The following TRIM2 variants were observed in gnomAD, a reference collection of about 807,000 sequenced individuals.
TRIM2 encodes tripartite motif-containing protein 2.
In TRIM2, 20 loss-of-function variants were observed where a neutral mutation model predicts 75.2. The observed-to-expected ratio is 0.27, with a 90% CI of 0.19 to 0.39. The LOEUF (loss-of-function observed/expected upper bound fraction) is 0.39, where lower values mean the gene tolerates loss of function less well. TRIM2 is among the 10% of genes least tolerant of loss of function. The pLI, the probability that TRIM2 is intolerant of heterozygous loss-of-function variation, is 1.00. For missense variants in TRIM2, 660 were observed against 990.8 expected, an observed-to-expected ratio of 0.67 and a Z score of 4.48; for synonymous variants, 373 against 388.3, an observed-to-expected ratio of 0.96 and a Z score of 0.46.
At chr4:153,309,186 A>T (rs1765689166) in intron 6 of TRIM2, among the ~76,000 whole-genome samples, 1 of 152,224 alleles carries the variant, frequency 6.6e-6, no homozygotes, top group Admixed American at 6.5e-5. Context: ...AACATGATTC[A>T]TGTGAGCCCA....
At chr4:153,219,918 T>G (rs1172437152) in intron 1 of TRIM2, among the ~76,000 whole-genome samples, 1 of 151,270 alleles carries the variant, frequency 6.6e-6, no homozygotes, top group Non-Finnish European at 1.5e-5. Context: ...ATGAAGGAAA[T>G]AGAGCACAAG....
intron 1 of TRIM2, among the ~76,000 whole-genome samples, chr4:153,166,662 C>T (rs181563819): frequency 6.6e-6 from 1 of 152,268 alleles, no homozygotes; most frequent in Admixed American, 6.5e-5. Context: ...GATCCTCCTG[C>T]ATCTGCCTCC....
At chr4:153,330,676 C>T (rs1026169057) in intron 11 of TRIM2, among the ~76,000 whole-genome samples, 2 of 152,112 alleles carry the variant, frequency 1.3e-5, no homozygotes, top group Non-Finnish European at 2.9e-5. Flanking sequence ...ATTTAATACC[C>T]ATTCATGACA....
chr4:153,283,348 G>A (rs1579318882), intron 3 of TRIM2, among the ~76,000 whole-genome samples: 1 of 152,074 alleles, frequency 6.6e-6, no homozygotes, highest in Non-Finnish European at 1.5e-5. Flanking sequence ...CCATCAATTA[G>A]CATGTTTTCA....
At chr4:153,317,013 T>G (rs1767787780) in intron 8 of TRIM2, among the ~76,000 whole-genome samples, 1 of 149,936 alleles carries the variant, frequency 6.7e-6, no homozygotes, top group Non-Finnish European at 1.5e-5. Context: ...CCTGAGTAGC[T>G]GGGACTACAG....
intron 1 of TRIM2, among the ~76,000 whole-genome samples, chr4:153,162,764 A>AGTAATAGT (rs1729866008): frequency 6.6e-6 from 1 of 152,192 alleles, no homozygotes; most frequent in Non-Finnish European, 1.5e-5. Flanking sequence ...GAGTTATACC[A>AGTAATAGT]CACCTCAGTA....
chr4:153,321,110 T>C (rs967887523), intron 8 of TRIM2, among the ~76,000 whole-genome samples: 3 of 152,206 alleles, frequency 2.0e-5, no homozygotes, highest in African/African-American at 7.2e-5. Context: ...AAGTTTTCAC[T>C]TCACATGCAT....
chr4:153,163,646 C>T (rs1729984534), intron 1 of TRIM2, among the ~76,000 whole-genome samples: 4 of 151,030 alleles, frequency 2.6e-5, no homozygotes, highest in Non-Finnish European at 4.4e-5. Context: ...GGATTACAGG[C>T]GAGTGCCACC....
chr4:153,322,595 G>A, intron 8 of TRIM2, 53 bp from the exon 9 acceptor site: 12 of 1,581,262 alleles, frequency 7.6e-6, no homozygotes, highest in Non-Finnish European at 1.0e-5. Flanking sequence ...TTCTGTAGTG[G>A]TTTAAACTTT....
chr4:153,176,773 G>T (rs1016527867), intron 1 of TRIM2, among the ~76,000 whole-genome samples: 9 of 152,024 alleles, frequency 5.9e-5, no homozygotes, highest in Admixed American at 3.9e-4. Flanking sequence ...ACCACACCTG[G>T]CTAATTTTTG....
At chr4:153,297,262 G>A (rs992670365) in intron 6 of TRIM2, among the ~76,000 whole-genome samples, 9 of 152,180 alleles carry the variant, frequency 5.9e-5, no homozygotes, top group Admixed American at 2.6e-4. Flanking sequence ...ACGGCCAGAT[G>A]TGCGATATGG....
At chr4:153,265,726 T>C (rs925753393) in intron 1 of TRIM2, 1 of 152,156 alleles carries the variant, frequency 6.6e-6, no homozygotes, top group African/African-American at 2.4e-5. Flanking sequence ...TTCTGTATCA[T>C]TCAAATTTTA....
At chr4:153,242,135 C>T (rs1746790381) in intron 1 of TRIM2, among the ~76,000 whole-genome samples, 1 of 152,132 alleles carries the variant, frequency 6.6e-6, no homozygotes, top group African/African-American at 2.4e-5. Context: ...ATCACTTCAC[C>T]CTGCTCACCA....
intron 8 of TRIM2, among the ~76,000 whole-genome samples, chr4:153,317,447 G>C (rs1384848675): frequency 2.0e-5 from 3 of 150,232 alleles, no homozygotes; most frequent in Non-Finnish European, 4.4e-5. Flanking sequence ...AGGAGATCGA[G>C]ACCATCCTGG....
At chr4:153,234,201 T>A (rs1744402369) in intron 1 of TRIM2, among the ~76,000 whole-genome samples, 1 of 152,188 alleles carries the variant, frequency 6.6e-6, no homozygotes, top group South Asian at 2.1e-4. Flanking sequence ...TGAATTCTCA[T>A]CATTTTATGC....
Position 153,295,558 on chromosome 4 carries a change from G to T in TRIM2, c.1032G>T (p.Thr344=), listed in dbSNP as rs893805. ...GLKKSIHNLG[T]ILTTNAVASE... is the part of the protein sequence containing the mutation. ...AGAAGTCCATCCACAACCTCGGGAC[G>T]ATCTTAACCACCAACGCCGTTGCCT... The change falls in exon 6 of 12, where the codon ACG becomes ACT. Residue 344 remains threonine (T), a synonymous_variant. Coordinates refer to ENST00000338700, the MANE Select transcript of TRIM2 (RefSeq NM_015271.5). The surrounding 1 kb of genome is among the most constrained non-coding windows in gnomAD (Gnocchi z 7.2). 2.5e-6 allele frequency: 4 copies of T among 1,613,070 alleles called. No homozygotes were observed. Among genetic ancestry groups the T allele is most frequent in the Non-Finnish European group, 3.4e-6 (4 of 1,179,514 alleles).
chr4:153,225,601 T>A (rs1355286628), intron 1 of TRIM2, among the ~76,000 whole-genome samples: 1 of 152,174 alleles, frequency 6.6e-6, no homozygotes, highest in Non-Finnish European at 1.5e-5. Context: ...AAATGACAGG[T>A]CTTTTGAAAT....
In TRIM2 at chr4:153,295,323, C is replaced by T. The variant is rs746386202; in HGVS notation, c.797C>T (p.Ser266Leu). 1.9e-6 allele frequency: 3 copies of T among 1,594,886 alleles called. No homozygotes were observed. The highest frequency in any genetic ancestry group is 2.6e-6 in the Non-Finnish European group (3 of 1,169,728). Residue 266 changes from serine (S) to leucine (L), a missense_variant, in exon 6 of 12, where the codon TCG becomes TTG. By Grantham distance (145) the Ser-to-Leu change is moderately radical. Transcript: ENST00000338700. This position sits in a 1 kb window ranked among gnomAD's most constrained non-coding sequence, Gnocchi z 7.2. ...CCGGTTTTCCCGCAGGTCCTCCAGT[C>T]GCAGCTGGATACTCTGCTCCAGGGG... ...NYGLKHKVLQ[S>L]QLDTLLQGQE...
chr4:153,234,369 G>A (rs1744466322), intron 1 of TRIM2, among the ~76,000 whole-genome samples: 1 of 152,218 alleles, frequency 6.6e-6, no homozygotes, highest in Non-Finnish European at 1.5e-5. Flanking sequence ...TGAGCGGGTT[G>A]TGAATCAAGT....
Sources: gnomAD v4.1 joint callset for allele counts (sites outside exome capture counted in the v4.1 genomes callset) on GRCh38, gnomAD v4.1.1 for gene constraint, Gnocchi (gnomAD v3.1) non-coding constraint, MANE v1.5 for transcripts, NCBI Gene and HGNC (gene_info 2026-07-23, HGNC 2026-07-21) for gene names.